Variants in MIAT observed in about 807,000 individuals in gnomAD.
The protein encoded by MIAT is MI related novel mRNA.
chr22:26,669,795 G>T (rs148571643), downstream of MIAT: 373 of 398,954 alleles, frequency 9.3e-4, no homozygotes, highest in Non-Finnish European at 1.5e-3. Flanking sequence ...GTGCTTCGGA[G>T]GACATATGGA....
At chr22:26,667,274 A>G in exon 5 of MIAT, 1 of 398,440 alleles carries the variant, frequency 2.5e-6, no homozygotes, top group Admixed American at 4.4e-5. Context: ...TCAGATCTTC[A>G]TGTCAGAACA....
intron 2 of MIAT, chr22:26,655,998 T>TTTTCA (rs1432918305): frequency 6.6e-6 from 1 of 151,034 alleles, no homozygotes; most frequent in South Asian, 2.1e-4. Context: ...TGAATTGTAT[T>TTTTCA]TTTCTTTTCT....
chr22:26,674,708 A>T (rs1931196365), exon 5 of MIAT: 3 of 398,664 alleles, frequency 7.5e-6, no homozygotes, highest in East Asian at 3.6e-5. Context: ...TGGATGGGGT[A>T]GTCTACACCC....
intron 2 of MIAT, chr22:26,656,017 CT>C (rs71192952): frequency 7.3e-4 from 107 of 146,296 alleles, no homozygotes; most frequent in East Asian, 1.6e-3. Context: ...CTTTTCTTTT[CT>C]TTTTTTTTTT....
At chr22:26,674,587 TG>T (rs1340722400), downstream of MIAT, 1 of 398,570 alleles carries the variant, frequency 2.5e-6, no homozygotes, top group African/African-American at 2.1e-5. Context: ...CAATTGTAGT[TG>T]GCAGTGGGGG....
In MIAT at chr22:26,655,729, T is replaced by G. The variant is rs562013955; in HGVS notation, n.647-7587T>G. Among the ~76,000 whole-genome samples the G allele has an allele frequency of 3.0e-4, 45 of 152,372 alleles. No individual in the cohort carries two copies. In the South Asian group the frequency reaches 8.7e-3, roughly 29 times the overall value. Reference sequence around the variant, plus strand: ...TGTTCTAGCACAGTGGTTCTCCAGCTTGAGTGTGCATCAGAATTCCTTGGT... The same window carrying G: ...TGTTCTAGCACAGTGGTTCTCCAGCGTGAGTGTGCATCAGAATTCCTTGGT... On this transcript the variant is annotated intron_variant and non_coding_transcript_variant, in intron 2 of 5. Coordinates refer to ENST00000643270, the Ensembl canonical transcript of MIAT.
intron 3 of MIAT, among the ~76,000 whole-genome samples, chr22:26,664,746 TTCA>T (rs1930785351): frequency 6.6e-6 from 1 of 152,242 alleles, no homozygotes; most frequent in Admixed American, 6.5e-5. Context: ...TGCTTTTCCA[TTCA>T]TCAAGATAGG....
intron 2 of MIAT, among the ~76,000 whole-genome samples, chr22:26,648,458 G>A (rs980172545): frequency 2.0e-5 from 3 of 152,156 alleles, no homozygotes; most frequent in African/African-American, 4.8e-5. Context: ...GCGACCTCAG[G>A]CAAGGTCTCC....
At chr22:26,670,821 A>G, downstream of MIAT, 1 of 398,488 alleles carries the variant, frequency 2.5e-6, no homozygotes, top group Non-Finnish European at 4.4e-6. Context: ...TGGGGTTTCT[A>G]TGGGAAAAGT....
At chr22:26,662,169 C>T (rs1930701454) in intron 2 of MIAT, among the ~76,000 whole-genome samples, 1 of 151,870 alleles carries the variant, frequency 6.6e-6, no homozygotes, top group South Asian at 2.1e-4. Context: ...GTTACCCAGG[C>T]TGATCGTGAA....
chr22:26,660,973 T>C (rs1930642099), intron 2 of MIAT, among the ~76,000 whole-genome samples: 1 of 152,258 alleles, frequency 6.6e-6, no homozygotes. Flanking sequence ...CGGTGCCCTG[T>C]AGGTGCTTAC....
chr22:26,674,895 T>C (rs1409492867), exon 5 of MIAT: 7 of 398,614 alleles, frequency 1.8e-5, no homozygotes, highest in Non-Finnish European at 3.1e-5. Context: ...CCTGGGCTTT[T>C]TCGTCATGGT....
intron 3 of MIAT, among the ~76,000 whole-genome samples, chr22:26,663,687 C>T (rs1376805369): frequency 6.6e-6 from 1 of 152,054 alleles, no homozygotes; most frequent in Non-Finnish European, 1.5e-5. Context: ...AGTTCCAGTC[C>T]TCTTTCATCA....
exon 5 of MIAT, chr22:26,675,003 A>G (rs1602377867): frequency 2.5e-6 from 1 of 398,750 alleles, no homozygotes; most frequent in East Asian, 3.6e-5. Context: ...CCAAGGAGAC[A>G]GACAAGATTG....
intron 2 of MIAT, among the ~76,000 whole-genome samples, chr22:26,661,038 G>GTAGC (rs1930644447): frequency 1.3e-5 from 2 of 152,218 alleles, no homozygotes; most frequent in Admixed American, 1.3e-4. Flanking sequence ...GTTCACTTAT[G>GTAGC]TAGCCCCTGA....
chr22:26,668,668 G>A (rs1930939781), exon 6 of MIAT: 1 of 399,110 alleles, frequency 2.5e-6, no homozygotes, highest in Admixed American at 4.4e-5. Flanking sequence ...GCAGAGGGCA[G>A]ATGCAGCTCC....
At chr22:26,650,256 G>T (rs1257577016) in intron 2 of MIAT, 1 of 152,262 alleles carries the variant, frequency 6.6e-6, no homozygotes, top group African/African-American at 2.4e-5. Flanking sequence ...TGAGGACACA[G>T]TGAGAAGCTG....
chr22:26,668,978 A>T, exon 6 of MIAT: 1 of 398,604 alleles, frequency 2.5e-6, no homozygotes. Flanking sequence ...TTTTCCTGCC[A>T]TCCAAAGGGA....
chr22:26,670,259 C>T, downstream of MIAT: 1 of 398,518 alleles, frequency 2.5e-6, no homozygotes, highest in East Asian at 3.6e-5. Context: ...CACTGAGCAC[C>T]TACTTTGGGC....
Sources: allele counts gnomAD v4.1 joint callset (sites outside exome capture counted in the v4.1 genomes callset), GRCh38; gene constraint gnomAD v4.1.1; transcripts MANE v1.5; gene names NCBI Gene and HGNC (gene_info 2026-07-23, HGNC 2026-07-21).